LRRC4C: variants seen among roughly 807,000 people sequenced by gnomAD.
LRRC4C encodes leucine-rich repeat-containing protein 4C.
In LRRC4C, 5 loss-of-function variants were observed where a neutral mutation model predicts 33.6. The ratio of observed to expected loss-of-function variants is 0.15; its 90% CI spans 0.08 to 0.31. The LOEUF is 0.31. Ranked by LOEUF, LRRC4C falls within the 10% of genes least tolerant of loss-of-function variation. LRRC4C has a pLI of 1.00. For synonymous variants in LRRC4C, 329 were observed against 302.0 expected (o/e 1.09, Z -0.93); for missense variants, 560 against 796.7 (o/e 0.70, Z 3.58).
At chr11:40,860,072 C>T (rs1043272841) in intron 2 of LRRC4C, among the ~76,000 whole-genome samples, 7 of 147,568 alleles carry the variant, frequency 4.7e-5, no homozygotes, top group Admixed American at 2.1e-4. Flanking sequence ...GGTGACAGAG[C>T]GAGACTCTGT....
At chr11:40,211,328 TTC>T (rs1230090099) in intron 5 of LRRC4C, among the ~76,000 whole-genome samples, 1 of 152,178 alleles carries the variant, frequency 6.6e-6, no homozygotes, top group Non-Finnish European at 1.5e-5. Context: ...GAAAATAAGC[TTC>T]TCTGTTAGAT....
At chr11:40,466,880 C>T (rs964636690) in intron 3 of LRRC4C, among the ~76,000 whole-genome samples, 5 of 151,862 alleles carry the variant, frequency 3.3e-5, no homozygotes, top group Admixed American at 3.3e-4. Context: ...CAGTTTAAAC[C>T]ACAATGTTTT....
chr11:40,746,518 C>A (rs1413278230), intron 2 of LRRC4C, among the ~76,000 whole-genome samples: 1 of 152,180 alleles, frequency 6.6e-6, no homozygotes, highest in Non-Finnish European at 1.5e-5. Flanking sequence ...GTCAGCACTG[C>A]CCCACTTCTT....
At chr11:40,456,874 A>G (rs908176639) in intron 3 of LRRC4C, among the ~76,000 whole-genome samples, 12 of 151,208 alleles carry the variant, frequency 7.9e-5, no homozygotes, top group African/African-American at 2.7e-4. Flanking sequence ...AGAAAGAGAA[A>G]GAGCATGGAG....
chr11:40,540,962 CATTGCTCCTGAT>C (rs1477605502), intron 3 of LRRC4C, among the ~76,000 whole-genome samples: 4 of 152,090 alleles, frequency 2.6e-5, no homozygotes, highest in African/African-American at 9.7e-5. Context: ...GACTTTGCAA[CATTGCTCCTGAT>C]ATTTATACAC....
At chr11:40,402,548 T>C (rs997147032) in intron 3 of LRRC4C, among the ~76,000 whole-genome samples, 4 of 152,120 alleles carry the variant, frequency 2.6e-5, no homozygotes. Context: ...TAGTTAAAGA[T>C]GTTATATGAA....
chr11:40,170,313 C>T (rs923994840), intron 5 of LRRC4C, among the ~76,000 whole-genome samples: 3 of 152,138 alleles, frequency 2.0e-5, no homozygotes, highest in Non-Finnish European at 4.4e-5. Context: ...ACTATGCTCC[C>T]GTGGTAAACA....
At chr11:40,651,568 G>A (rs1942804734) in intron 2 of LRRC4C, among the ~76,000 whole-genome samples, 1 of 152,160 alleles carries the variant, frequency 6.6e-6, no homozygotes, top group African/African-American at 2.4e-5. Flanking sequence ...CTAGGTACCA[G>A]TTAAGCGATT....
intron 3 of LRRC4C, among the ~76,000 whole-genome samples, chr11:40,561,954 C>G (rs1424221264): frequency 6.6e-6 from 1 of 152,138 alleles, no homozygotes; most frequent in Non-Finnish European, 1.5e-5. Context: ...AGGCTTGAGG[C>G]AGCAGACATG....
At chr11:41,370,464 C>T (rs1267349963) in intron 1 of LRRC4C, among the ~76,000 whole-genome samples, 2 of 152,064 alleles carry the variant, frequency 1.3e-5, no homozygotes, top group African/African-American at 2.4e-5. Flanking sequence ...GGCGGCTCCC[C>T]CCATACTGCT....
At chr11:40,684,789 AG>A (rs1354821941) in intron 2 of LRRC4C, among the ~76,000 whole-genome samples, 1 of 152,064 alleles carries the variant, frequency 6.6e-6, no homozygotes, top group African/African-American at 2.4e-5. Flanking sequence ...ACTTGTTACC[AG>A]TGACAATCAG....
intron 3 of LRRC4C, among the ~76,000 whole-genome samples, chr11:40,470,408 A>G (rs1246510627): frequency 6.6e-6 from 1 of 152,234 alleles, no homozygotes; most frequent in African/African-American, 2.4e-5. Flanking sequence ...CAAAGGTAGA[A>G]AAATCCATGA....
intron 1 of LRRC4C, among the ~76,000 whole-genome samples, chr11:41,380,204 T>C (rs1953091337): frequency 6.6e-6 from 1 of 152,174 alleles, no homozygotes; most frequent in Admixed American, 6.5e-5. Context: ...TCAATTGTGT[T>C]GCCTTTAATA....
At chr11:41,124,337 T>C (rs1047353865) in intron 1 of LRRC4C, among the ~76,000 whole-genome samples, 13 of 152,200 alleles carry the variant, frequency 8.5e-5, no homozygotes, top group African/African-American at 1.7e-4. Flanking sequence ...CTGCCACCAA[T>C]CCAAACTTCT....
In LRRC4C at chr11:40,964,867, A is replaced by G. The variant is rs544028990; in HGVS notation, c.-495-31144T>C. 3.3e-5 allele frequency among the ~76,000 whole-genome samples: 5 copies of G among 152,026 alleles called. No homozygotes were observed. In the East Asian group the frequency reaches 5.9e-4, roughly 18 times the overall value. On this transcript the variant is annotated intron_variant, in intron 1 of 6. Transcript: ENST00000528697. ...TGTCTTTATAGCAGCATGATTTATAATCCTTTGGGTATATACCCAGTAATA... is the reference window on the plus strand; with the variant it reads ...TGTCTTTATAGCAGCATGATTTATAGTCCTTTGGGTATATACCCAGTAATA...
chr11:40,492,612 T>C (rs1007293122), intron 3 of LRRC4C, among the ~76,000 whole-genome samples: 2 of 152,144 alleles, frequency 1.3e-5, no homozygotes, highest in African/African-American at 2.4e-5. Context: ...TTCAACTGTT[T>C]CTTCCCAGGC....
At chr11:40,476,342 CTTTTTTTT>C (rs71308392) in intron 3 of LRRC4C, among the ~76,000 whole-genome samples, 3 of 81,354 alleles carry the variant, frequency 3.7e-5, no homozygotes, top group East Asian at 3.8e-4. Context: ...TTTTTTTCTT[CTTTTTTTT>C]TTTTTTTTTT....
intron 5 of LRRC4C, among the ~76,000 whole-genome samples, chr11:40,184,573 C>A (rs1705195593): frequency 6.6e-6 from 1 of 152,164 alleles, no homozygotes; most frequent in African/African-American, 2.4e-5. Flanking sequence ...CTGTGGCAGT[C>A]TTGGGGAGGT....
intron 1 of LRRC4C, among the ~76,000 whole-genome samples, chr11:41,160,895 T>C (rs1944441289): frequency 1.3e-5 from 2 of 152,158 alleles, no homozygotes; most frequent in South Asian, 4.1e-4. Context: ...AAAGTTTTGT[T>C]TTCTTTTTCA....
Sources: allele counts gnomAD v4.1 joint callset (sites outside exome capture counted in the v4.1 genomes callset), GRCh38; gene constraint gnomAD v4.1.1; transcripts MANE v1.5; gene names NCBI Gene and HGNC (gene_info 2026-07-23, HGNC 2026-07-21).